Variants in CFAP52 observed in about 807,000 individuals in gnomAD.
CFAP52 encodes cilia- and flagella-associated protein 52.
In CFAP52, 57 loss-of-function variants were observed where a neutral mutation model predicts 70.5. That is an observed-to-expected ratio of 0.81 (90% CI 0.65 to 1.01). The LOEUF (loss-of-function observed/expected upper bound fraction) is 1.01. CFAP52 is among the 50% of genes least tolerant of loss of function. The pLI, the probability that CFAP52 is intolerant of heterozygous loss-of-function variation, is 0.00. For synonymous variants in CFAP52, 267 were observed against 292.5 expected, an observed-to-expected ratio of 0.91 and a Z score of 0.89; for missense variants, 785 against 788.5, an observed-to-expected ratio of 1.00 and a Z score of 0.05.
chr17:9,643,164 C>A lies in CFAP52; in HGVS notation c.1829C>A (p.Ala610Asp). The A allele has an allele frequency of 6.2e-7, 1 of 1,612,060 alleles. No homozygotes were observed. The highest frequency in any genetic ancestry group is 8.5e-7 in the Non-Finnish European group (1 of 1,179,166). Reference protein sequence around the residue: ...QYIVSVSADGAILRWKYPYTS With the variant: ...QYIVSVSADGDILRWKYPYTS ...ATTGTTAGTGTAAGTGCCGATGGAG[C>A]CATTTTGCGATGGAAGTACCCATAT... The change falls in exon 14 of 14, where the codon GCC becomes GAC. Residue 610 changes from alanine (A) to aspartate (D), a missense_variant. Transcript: ENST00000352665.
At chr17:9,598,404 G>A in intron 5 of CFAP52, 71 bp downstream of exon 5, 2 of 1,270,200 alleles carry the variant, frequency 1.6e-6, no homozygotes, top group South Asian at 1.3e-5. Flanking sequence ...CAAGGTGTTT[G>A]TGTGTGTGTA....
At chr17:9,580,684 G>C (rs1451861728) in intron 1 of CFAP52, among the ~76,000 whole-genome samples, 3 of 76,994 alleles carry the variant, frequency 3.9e-5, no homozygotes, top group Non-Finnish European at 9.1e-5. Flanking sequence ...GTGAGACCTG[G>C]TCTCAAAAAA....
At chr17:9,638,512 C>T in intron 11 of CFAP52, 97 bp from the exon 12 acceptor site, 1 of 1,175,474 alleles carries the variant, frequency 8.5e-7, no homozygotes, top group Admixed American at 1.9e-5. Context: ...GATAAACCAA[C>T]CCAAATCCCA....
chr17:9,632,587 A>T (rs1409383973), intron 9 of CFAP52, among the ~76,000 whole-genome samples: 1 of 152,052 alleles, frequency 6.6e-6, no homozygotes, highest in Non-Finnish European at 1.5e-5. Context: ...CTCAGATTTG[A>T]ATGTTTTTTA....
chr17:9,601,194 T>C (rs550539742), intron 6 of CFAP52, among the ~76,000 whole-genome samples: 68 of 140,482 alleles, frequency 4.8e-4, no homozygotes, highest in African/African-American at 1.6e-3. Flanking sequence ...TTCTTACTCA[T>C]AGGTGGGAAT....
chr17:9,625,522 A>G (rs1910203585), intron 8 of CFAP52, among the ~76,000 whole-genome samples: 1 of 151,998 alleles, frequency 6.6e-6, no homozygotes, highest in South Asian at 2.1e-4. Flanking sequence ...TGCCACTAGG[A>G]TATTCCCCCT....
chr17:9,598,172 T>C (rs1399065409), intron 4 of CFAP52, 62 bp from the exon 5 acceptor site: 6 of 1,287,702 alleles, frequency 4.7e-6, no homozygotes, highest in Admixed American at 1.9e-5. Context: ...GTTTCAGGGA[T>C]GAAGTGATTA....
chr17:9,601,601 C>A (rs1909274133), intron 6 of CFAP52, among the ~76,000 whole-genome samples: 1 of 152,066 alleles, frequency 6.6e-6, no homozygotes. Context: ...AGATTTTAGC[C>A]TCAGCTGACA....
intron 12 of CFAP52, among the ~76,000 whole-genome samples, chr17:9,640,557 C>T (rs1468620785): frequency 6.6e-6 from 1 of 152,070 alleles, no homozygotes; most frequent in Non-Finnish European, 1.5e-5. Context: ...CATCCATGTC[C>T]CGGCAAAGGA....
At chr17:9,624,254 A>G (rs1053932084) in intron 8 of CFAP52, among the ~76,000 whole-genome samples, 2 of 152,130 alleles carry the variant, frequency 1.3e-5, no homozygotes, top group Non-Finnish European at 2.9e-5. Flanking sequence ...TTGTTCCTTA[A>G]GAATTTTCAC....
At chr17:9,593,134 T>A (rs928439689) in intron 3 of CFAP52, among the ~76,000 whole-genome samples, 1 of 152,226 alleles carries the variant, frequency 6.6e-6, no homozygotes, top group Admixed American at 6.5e-5. Flanking sequence ...TGTTTTTACA[T>A]GAACAAGATT....
chr17:9,642,231 T>C (rs953203595), intron 13 of CFAP52, among the ~76,000 whole-genome samples: 1 of 152,194 alleles, frequency 6.6e-6, no homozygotes, highest in Non-Finnish European at 1.5e-5. Flanking sequence ...CCAAAACAAA[T>C]GAATTAACCA....
At chr17:9,587,379 G>A (rs1440136985) in intron 3 of CFAP52, among the ~76,000 whole-genome samples, 1 of 152,114 alleles carries the variant, frequency 6.6e-6, no homozygotes, top group Non-Finnish European at 1.5e-5. Flanking sequence ...CTTTGAGTAT[G>A]TAGCCAGTAA....
At chr17:9,633,856 T>C (rs1910659820) in intron 10 of CFAP52, among the ~76,000 whole-genome samples, 1 of 151,586 alleles carries the variant, frequency 6.6e-6, no homozygotes, top group Non-Finnish European at 1.5e-5. Flanking sequence ...TTTTTTTGTA[T>C]TTTTTTAGTA....
intron 6 of CFAP52, among the ~76,000 whole-genome samples, chr17:9,607,888 G>A (rs564836641): frequency 2.0e-5 from 3 of 152,150 alleles, no homozygotes; most frequent in Non-Finnish European, 2.9e-5. Context: ...GGTGCATCGC[G>A]AGCAGAACCT....
intron 9 of CFAP52, among the ~76,000 whole-genome samples, chr17:9,629,300 CT>C (rs1254781669): frequency 6.6e-6 from 1 of 152,092 alleles, no homozygotes. Flanking sequence ...AAATGTTTTC[CT>C]TTAAAACAGT....
In CFAP52 at chr17:9,585,825, T is replaced by C. The variant is rs1190846959; in HGVS notation, c.123T>C (p.Tyr41=). The change falls in exon 2 of 14, where the codon TAT becomes TAC. Residue 41 remains tyrosine, a synonymous_variant. Coordinates refer to ENST00000352665, the MANE Select transcript of CFAP52 (RefSeq NM_145054.5). ...KCHPDQEHMI[Y]PLGCTVLIQA... ...ATCCTGACCAGGAGCATATGATTTA[T>C]CCTCTTGGTTGCACAGTCCTCATTC... 2 of 1,614,110 alleles carry C rather than the reference T, an allele frequency of 1.2e-6. No homozygotes were observed. Among genetic ancestry groups the C allele is most frequent in the Non-Finnish European group, 1.7e-6 (2 of 1,180,026 alleles).
intron 11 of CFAP52, among the ~76,000 whole-genome samples, chr17:9,636,823 G>T (rs943971698): frequency 1.1e-4 from 17 of 152,102 alleles, no homozygotes; most frequent in Non-Finnish European, 2.4e-4. Context: ...GAGGTGGGAG[G>T]ATCAAGAGGT....
At chr17:9,605,062 T>C (rs1427214013) in intron 6 of CFAP52, among the ~76,000 whole-genome samples, 1 of 152,166 alleles carries the variant, frequency 6.6e-6, no homozygotes, top group Non-Finnish European at 1.5e-5. Flanking sequence ...AACTTACTCT[T>C]ACCATGTAAT....
Sources: gnomAD v4.1 joint callset for allele counts (sites outside exome capture counted in the v4.1 genomes callset) on GRCh38, gnomAD v4.1.1 for gene constraint, MANE v1.5 for transcripts, NCBI Gene and HGNC (gene_info 2026-07-23, HGNC 2026-07-21) for gene names.